HHLA1: variants seen among roughly 807,000 people sequenced by gnomAD.
The protein encoded by HHLA1 is HHLA1 neighbor of OC90, also known as HERV-H LTR-associating protein 1.
HHLA1 carries 72 observed loss-of-function variants against 69.9 expected under a neutral mutation model. The observed-to-expected ratio is 1.03, with a 90% CI of 0.85 to 1.25. The LOEUF (loss-of-function observed/expected upper bound fraction) is 1.25, where lower values mean the gene tolerates loss of function less well. Among genes scored for constraint, HHLA1 ranks in the 50% most tolerant of loss-of-function variants. The pLI, the probability that HHLA1 is intolerant of heterozygous loss-of-function variation, is 0.00. For synonymous variants in HHLA1, 252 were observed against 233.2 expected (o/e 1.08, Z -0.73); for missense variants, 685 against 642.2 (o/e 1.07, Z -0.72).
In HHLA1 at chr8:132,062,110, C is replaced by T. The variant is rs1385224263; in HGVS notation, c.*1885G>A. ...GTCAAAGGTCCTTAATTAATATCCACGCAAGGGTTGAATCAAATTAATCCA... is the reference window on the plus strand; with the variant it reads ...GTCAAAGGTCCTTAATTAATATCCATGCAAGGGTTGAATCAAATTAATCCA... On this transcript the variant is annotated 3_prime_UTR_variant, in exon 17 of 17. Coordinates refer to ENST00000414222, the MANE Select transcript of HHLA1 (RefSeq NM_001145095.3). 1 of 152,178 alleles carries T rather than the reference C, an allele frequency of 6.6e-6. No individual in the cohort carries two copies. Among genetic ancestry groups the T allele is most frequent in the Non-Finnish European group, 1.5e-5 (1 of 68,036 alleles). 9.4% of individuals were successfully genotyped at this position (152,178 alleles called of 1,614,324 possible).
intron 15 of HHLA1, among the ~76,000 whole-genome samples, chr8:132,070,636 C>T (rs939344392): frequency 1.3e-5 from 2 of 152,106 alleles, no homozygotes; most frequent in African/African-American, 4.8e-5. Context: ...CTCATCTCAA[C>T]TCATTACACC....
rs1413624625 is a variant in HHLA1 at position 132,104,092 on chromosome 8, C to G, written c.139+16G>C. ...AAGAACAGTGAGCTGAAAAGGAGCCCTTATCACCCACTTACCTGTTGTAGG... is the reference window on the plus strand; with the variant it reads ...AAGAACAGTGAGCTGAAAAGGAGCCGTTATCACCCACTTACCTGTTGTAGG... On this transcript the variant is annotated intron_variant, in intron 3 of 16. Transcript: ENST00000414222. The G allele has an allele frequency of 6.5e-7, 1 of 1,544,610 alleles. No individual in the cohort carries two copies. Among genetic ancestry groups the G allele is most frequent in the Non-Finnish European group, 8.8e-7 (1 of 1,140,558 alleles).
chr8:132,101,727 C>T (rs1034078260), intron 3 of HHLA1, among the ~76,000 whole-genome samples: 2 of 152,046 alleles, frequency 1.3e-5, no homozygotes, highest in Non-Finnish European at 2.9e-5. Context: ...GTGTGCACCA[C>T]CACGCCTGGC....
rs1030154227 is a variant in HHLA1, at chr8:132,095,561, T to C, written c.406A>G (p.Arg136Gly). 5 of 1,550,446 alleles carry C rather than the reference T, an allele frequency of 3.2e-6. No homozygotes were observed. In the African/African-American group the frequency reaches 4.1e-5, roughly 13 times the overall value. ...CGATTGTTTAAACAGTAGCAATACC[T>C]TGTGGGGAATTTGGCGGGGTCTACT... ...KTVDPAKFPT[R>G]YCYCLNNRTN... The change falls in exon 7 of 17, where the codon AGG becomes GGG. Residue 136 changes from arginine to glycine, a missense_variant. Transcript: ENST00000414222.
chr8:132,110,985 C>T (rs1824286363), intron 1 of HHLA1, 117 bp downstream of exon 1: 1 of 152,178 alleles, frequency 6.6e-6, no homozygotes, highest in African/African-American at 2.4e-5. Context: ...TCATATCTTT[C>T]AGTATCCAGG....
chr8:132,109,908 A>G (rs538883259), intron 1 of HHLA1, among the ~76,000 whole-genome samples: 10 of 152,226 alleles, frequency 6.6e-5, no homozygotes, highest in Non-Finnish European at 1.3e-4. Flanking sequence ...AAGTGTTGCT[A>G]TGACTGATGG....
chr8:132,104,736 G>A (rs542636604), intron 2 of HHLA1, among the ~76,000 whole-genome samples: 5 of 152,242 alleles, frequency 3.3e-5, no homozygotes, highest in African/African-American at 1.2e-4. Flanking sequence ...GCAGGGTCAC[G>A]CAGAGCCTGA....
chr8:132,063,648 G>A lies in HHLA1; in HGVS notation c.*347C>T, dbSNP rs1203030721. ...GCTGAACTGGTTTGTGCAGGCTAGA[G>A]TGCCCACGCATCCCCAGTTTTTAAA... On this transcript the variant is annotated 3_prime_UTR_variant, in exon 17 of 17. Coordinates refer to ENST00000414222, the MANE Select transcript of HHLA1 (RefSeq NM_001145095.3). The A allele has an allele frequency of 1.2e-5, 2 of 166,782 alleles. No individual in the cohort carries two copies. Among genetic ancestry groups the A allele is most frequent in the African/African-American group, 4.7e-5 (2 of 42,386 alleles). The allele number at this position is 166,782 out of a possible 1,614,324, so 10.3% of individuals were successfully genotyped here. A position where few individuals can be genotyped will look rare whatever the true frequency, so the allele number is the denominator to read the frequency against.
chr8:132,104,597 G>A (rs1824173162), intron 2 of HHLA1, among the ~76,000 whole-genome samples: 1 of 152,164 alleles, frequency 6.6e-6, no homozygotes, highest in Non-Finnish European at 1.5e-5. Context: ...GATGTATACA[G>A]AACAGCACAA....
rs113085781 is a variant in HHLA1, at chr8:132,089,097, G to C, written c.532+419C>G. Among the ~76,000 whole-genome samples the C allele has an allele frequency of 7.6e-4, 116 of 152,274 alleles. 2 individuals carry two copies. Among genetic ancestry groups the C allele is most frequent in the African/African-American group, 1.9e-3 (77 of 41,550 alleles). On this transcript the variant is annotated intron_variant, in intron 8 of 16. Coordinates refer to ENST00000414222, the MANE Select transcript of HHLA1 (RefSeq NM_001145095.3). Reference sequence around the variant, plus strand: ...CATGAAACCACCTTATAAATGAGGTGTATCATTCTTAACTGTACTCCAAAC... The same window carrying C: ...CATGAAACCACCTTATAAATGAGGTCTATCATTCTTAACTGTACTCCAAAC...
chr8:132,086,098 T>A (rs1823856209), intron 10 of HHLA1, among the ~76,000 whole-genome samples: 1 of 152,090 alleles, frequency 6.6e-6, no homozygotes, highest in Non-Finnish European at 1.5e-5. Flanking sequence ...AGGGCTTAAT[T>A]CAGAGGGAAA....
intron 10 of HHLA1, among the ~76,000 whole-genome samples, chr8:132,087,139 A>G (rs1823877096): frequency 6.6e-6 from 1 of 152,224 alleles, no homozygotes; most frequent in Admixed American, 6.5e-5. Flanking sequence ...CTAAGCTGGC[A>G]ATTGACAGGC....
At chr8:132,098,850 G>T (rs1468008244) in intron 5 of HHLA1, 32 bp downstream of exon 5, 1 of 1,404,252 alleles carries the variant, frequency 7.1e-7, no homozygotes, top group South Asian at 1.3e-5. Context: ...AAAAAAAAAT[G>T]GACCTGGATT....
At chr8:132,102,831 T>C (rs960543432) in intron 3 of HHLA1, among the ~76,000 whole-genome samples, 1 of 148,734 alleles carries the variant, frequency 6.7e-6, no homozygotes, top group African/African-American at 2.5e-5. Context: ...CACTATTCCT[T>C]TCACCAAGGA....
intron 3 of HHLA1, among the ~76,000 whole-genome samples, chr8:132,102,410 C>T (rs1824124041): frequency 6.6e-6 from 1 of 152,210 alleles, no homozygotes; most frequent in Non-Finnish European, 1.5e-5. Flanking sequence ...TCTAACTCCC[C>T]TTTGCCATAA....
In HHLA1 at chr8:132,063,898, G is replaced by T; in HGVS notation, c.*97C>A. ...TAACTGATGATCTAGCTGGAGCCTG[G>T]GTGAATTCTTCAAATGTAGCCCACT... On this transcript the variant is annotated 3_prime_UTR_variant, in exon 17 of 17. Transcript: ENST00000414222. The T allele has an allele frequency of 2.1e-6, 1 of 482,750 alleles. No individual in the cohort carries two copies. The highest frequency in any genetic ancestry group is 3.3e-6 in the Non-Finnish European group (1 of 300,784). The allele number at this position is 482,750 out of a possible 1,614,324, so 29.9% of individuals were successfully genotyped here.
At chr8:132,080,344 A>G (rs1201660858) in intron 10 of HHLA1, 1 of 354,236 alleles carries the variant, frequency 2.8e-6, no homozygotes, top group African/African-American at 2.2e-5. Context: ...AGAGTCAGTG[A>G]AGGGAGATAA....
intron 7 of HHLA1, among the ~76,000 whole-genome samples, chr8:132,094,510 G>A (rs1048944871): frequency 2.6e-5 from 4 of 152,098 alleles, no homozygotes; most frequent in African/African-American, 9.7e-5. Context: ...TCCTCATGCT[G>A]CTGCTTAGGC....
chr8:132,064,129 G>T, intron 16 of HHLA1, 91 bp from the exon 17 acceptor site: 1 of 747,420 alleles, frequency 1.3e-6, no homozygotes. Flanking sequence ...GCCAACAAGG[G>T]TCTAGCCTCT....
Sources: allele counts gnomAD v4.1 joint callset (sites outside exome capture counted in the v4.1 genomes callset), GRCh38; gene constraint gnomAD v4.1.1; transcripts MANE v1.5; gene names NCBI Gene and HGNC (gene_info 2026-07-23, HGNC 2026-07-21).